The following SHPRH variants were observed in gnomAD, a reference collection of about 807,000 sequenced individuals.
The protein encoded by SHPRH is SNF2 histone linker PHD RING helicase, also known as E3 ubiquitin-protein ligase SHPRH.
In SHPRH, 106 loss-of-function variants were observed where a neutral mutation model predicts 202.5. That is an observed-to-expected ratio of 0.52 (90% CI 0.45 to 0.62). SHPRH has a LOEUF of 0.62. Ranked by LOEUF, SHPRH falls within the 20% of genes least tolerant of loss-of-function variation. The pLI, the probability that SHPRH is intolerant of heterozygous loss-of-function variation, is 0.00. For synonymous variants in SHPRH, 729 were observed against 686.0 expected (o/e 1.06, Z -0.98); for missense variants, 1,710 against 2,020.0 (o/e 0.85, Z 2.94).
At chr6:145,918,981 GTTT>G (rs1382241054) in intron 22 of SHPRH, 1 of 162,592 alleles carries the variant, frequency 6.2e-6, no homozygotes, top group East Asian at 1.8e-4. Context: ...GGTTTCAGTT[GTTT>G]TTAAGGAAGA....
rs2128817684 is a variant in SHPRH, at chr6:145,963,763, C to A, written c.-65G>T. On this transcript the variant is annotated 5_prime_UTR_variant, in exon 1 of 30. Transcript: ENST00000275233. ...TCTTCCGAAAGACCCACAAGCGGCTCCCGGAGTCTGAGCGGGGCTGTCAGC... is the reference window on the plus strand; with the variant it reads ...TCTTCCGAAAGACCCACAAGCGGCTACCGGAGTCTGAGCGGGGCTGTCAGC... The A allele has an allele frequency of 6.6e-6, 1 of 152,340 alleles. No homozygotes were observed. Among genetic ancestry groups the A allele is most frequent in the African/African-American group, 2.4e-5 (1 of 41,568 alleles). The allele number at this position is 152,340 out of a possible 1,614,324, so 9.4% of individuals were successfully genotyped here.
intron 1 of SHPRH, among the ~76,000 whole-genome samples, chr6:145,958,517 CATT>C (rs1788736607): frequency 6.6e-6 from 1 of 152,008 alleles, no homozygotes; most frequent in Admixed American, 6.6e-5. Context: ...ACTAAAGTGA[CATT>C]ATTTACCTGC....
chr6:145,920,337 G>A (rs1181983928), intron 21 of SHPRH, among the ~76,000 whole-genome samples: 1 of 152,074 alleles, frequency 6.6e-6, no homozygotes, highest in East Asian at 1.9e-4. Flanking sequence ...AACATCATAA[G>A]TAACACTTCT....
At chr6:145,879,305 T>A (rs1034235640) in intron 2 of SHPRH, among the ~76,000 whole-genome samples, 5 of 151,304 alleles carry the variant, frequency 3.3e-5, no homozygotes, top group African/African-American at 7.3e-5. Flanking sequence ...TTACTAACTT[T>A]AAAAAAAAAG....
chr6:145,946,599 ATATT>A (rs1269642305), intron 6 of SHPRH, among the ~76,000 whole-genome samples: 6 of 152,060 alleles, frequency 3.9e-5, no homozygotes, highest in Non-Finnish European at 8.8e-5. Flanking sequence ...TTTTAAAGGT[ATATT>A]TAAATATAAA....
chr6:145,924,893 T>C, intron 16 of SHPRH, 47 bp from the exon 17 acceptor site: 2 of 1,445,002 alleles, frequency 1.4e-6, no homozygotes, highest in South Asian at 2.3e-5. Flanking sequence ...ATCTAGAATA[T>C]AATTCAGTAT....
intron 8 of SHPRH, 30 bp from the exon 9 acceptor site, chr6:145,943,832 G>A (rs1279197860): frequency 1.3e-6 from 2 of 1,516,628 alleles, no homozygotes; most frequent in Admixed American, 4.5e-5. Context: ...TTAATTGATT[G>A]CAACTAGTTG....
chr6:145,954,560 T>A, intron 2 of SHPRH, 130 bp downstream of exon 2: 1 of 954,324 alleles, frequency 1.0e-6, no homozygotes, highest in Non-Finnish European at 1.5e-6. Flanking sequence ...ATTAAAAGCT[T>A]AAAGTGTACT....
intron 16 of SHPRH, among the ~76,000 whole-genome samples, chr6:145,925,803 A>G (rs1482897304): frequency 6.6e-6 from 1 of 151,982 alleles, no homozygotes; most frequent in East Asian, 1.9e-4. Flanking sequence ...ACTACCACCA[A>G]AAATTTGACT....
chr6:145,931,462 C>T (rs1360218215), intron 14 of SHPRH, among the ~76,000 whole-genome samples: 1 of 152,092 alleles, frequency 6.6e-6, no homozygotes, highest in African/African-American at 2.4e-5. Flanking sequence ...AAGTGATTCT[C>T]CTGTCTCAGC....
chr6:145,890,592 G>A (rs990438975), intron 28 of SHPRH, among the ~76,000 whole-genome samples: 2 of 152,100 alleles, frequency 1.3e-5, no homozygotes, highest in African/African-American at 4.8e-5. Context: ...TAGAACAGCT[G>A]AACTTTGGTG....
intron 2 of SHPRH, among the ~76,000 whole-genome samples, chr6:145,873,707 G>C (rs1583263491): frequency 7.4e-6 from 1 of 135,826 alleles, no homozygotes; most frequent in Non-Finnish European, 1.6e-5. Context: ...AAGGAAGGAA[G>C]GAAGGAAGGG....
At chr6:145,913,320 G>A (rs891077263) in intron 24 of SHPRH, among the ~76,000 whole-genome samples, 158 bp downstream of exon 24, 1 of 152,042 alleles carries the variant, frequency 6.6e-6, no homozygotes, top group African/African-American at 2.4e-5. Flanking sequence ...CTAATCCTAA[G>A]CACGTCACCT....
At chr6:145,870,578 C>A (rs1780014850) in intron 2 of SHPRH, among the ~76,000 whole-genome samples, 1 of 152,182 alleles carries the variant, frequency 6.6e-6, no homozygotes, top group South Asian at 2.1e-4. Flanking sequence ...TTTCTACATA[C>A]ATGATCATGT....
At chr6:145,953,850 C>T (rs764716459) in intron 2 of SHPRH, among the ~76,000 whole-genome samples, 3 of 151,902 alleles carry the variant, frequency 2.0e-5, no homozygotes, top group Non-Finnish European at 4.4e-5. Context: ...CAGTGAATGA[C>T]AGAGACTGAA....
chr6:145,944,334 T>C lies in SHPRH; in HGVS notation c.1579-532A>G, dbSNP rs1180369484. Among the ~76,000 whole-genome samples the C allele has an allele frequency of 2.6e-5, 4 of 152,096 alleles. No individual in the cohort carries two copies. The East Asian group carries it at 7.7e-4, about 29-fold the overall frequency. On this transcript the variant is annotated intron_variant, in intron 8 of 29. Coordinates refer to ENST00000275233, the MANE Select transcript of SHPRH (RefSeq NM_001042683.3). Reference sequence around the variant, plus strand: ...GTGTTAGATGCTAGGGACACAAATATGAACAATATTTGGCCCCCGGTTTCA... The same window carrying C: ...GTGTTAGATGCTAGGGACACAAATACGAACAATATTTGGCCCCCGGTTTCA...
chr6:145,952,914 A>G (rs1281657802), intron 2 of SHPRH, among the ~76,000 whole-genome samples: 1 of 152,074 alleles, frequency 6.6e-6, no homozygotes, highest in Non-Finnish European at 1.5e-5. Flanking sequence ...TAAAACGTGT[A>G]AAAAAACAGA....
rs752533833 is a variant in SHPRH, at chr6:145,947,565, T to C, written c.1140A>G (p.Thr380=). ...TCAGAATCAGAGCCAAAACCTCCAC[T>C]GTCTTTCCAAGACCCATCTCATCTG... The part of the protein sequence containing the change: ...ILADEMGLGK[T]VEVLALILTH... Residue 380 remains threonine (T), a synonymous_variant, in exon 6 of 30, where the codon ACA becomes ACG. Coordinates refer to ENST00000275233, the MANE Select transcript of SHPRH (RefSeq NM_001042683.3). The C allele has an allele frequency of 3.1e-6, 5 of 1,612,888 alleles. No individual in the cohort carries two copies. The highest frequency in any genetic ancestry group is 4.5e-5 in the East Asian group (2 of 44,868).
At chr6:145,875,451 C>T (rs1176724463) in intron 2 of SHPRH, among the ~76,000 whole-genome samples, 1 of 152,200 alleles carries the variant, frequency 6.6e-6, no homozygotes, top group Non-Finnish European at 1.5e-5. Context: ...CAGTTGCATT[C>T]CTTTAGTTGA....
Sources: gnomAD v4.1 joint callset for allele counts (sites outside exome capture counted in the v4.1 genomes callset) on GRCh38, gnomAD v4.1.1 for gene constraint, MANE v1.5 for transcripts, NCBI Gene and HGNC (gene_info 2026-07-23, HGNC 2026-07-21) for gene names.